Variants in TMEM132C observed in about 807,000 individuals in gnomAD.
TMEM132C encodes the protein transmembrane protein 132C, also known as protein phosphatase 1, regulatory subunit 152.
Under a neutral mutation model 61.4 loss-of-function variants are expected in TMEM132C, and 29 were observed. The ratio of observed to expected loss-of-function variants is 0.47; its 90% CI spans 0.35 to 0.64. The LOEUF (loss-of-function observed/expected upper bound fraction) is 0.64, where lower values mean the gene tolerates loss of function less well. Among genes scored for constraint, TMEM132C ranks in the 30% least tolerant of loss-of-function variants. The pLI is 0.00. For missense variants in TMEM132C, 1,408 were observed against 1,476.9 expected, an observed-to-expected ratio of 0.95 and a Z score of 0.76; for synonymous variants, 656 against 633.1, an observed-to-expected ratio of 1.04 and a Z score of -0.54.
chr12:128,397,489 G>A (rs895139062), intron 1 of TMEM132C, among the ~76,000 whole-genome samples: 2 of 152,132 alleles, frequency 1.3e-5, no homozygotes, highest in Admixed American at 6.5e-5. Context: ...ATACGAGGGG[G>A]TCTATATTCC....
At chr12:128,271,483 C>T (rs1870520901) in intron 1 of TMEM132C, among the ~76,000 whole-genome samples, 1 of 152,036 alleles carries the variant, frequency 6.6e-6, no homozygotes, top group Non-Finnish European at 1.5e-5. Flanking sequence ...TTATCAAATG[C>T]TCTTTTGCAT....
At chr12:128,611,451 T>C (rs187027512) in intron 3 of TMEM132C, among the ~76,000 whole-genome samples, 2 of 152,288 alleles carry the variant, frequency 1.3e-5, no homozygotes, top group East Asian at 3.9e-4. Context: ...GTGCTCTCAT[T>C]GCAACAGGAA....
chr12:128,622,361 ATATATATAT>A lies in TMEM132C; in HGVS notation c.1305+6027_1305+6035del, dbSNP rs1291710453. ...TTTGTCTCAAAAAAAAAAAAAAAAA[ATATATATAT>A]ATATATATATATATATATATATATA... On this transcript the variant is annotated intron_variant, in intron 4 of 8. Transcript: ENST00000435159. Among the ~76,000 whole-genome samples the A allele has an allele frequency of 7.6e-4, 29 of 38,172 alleles. 1 individual carries two copies. Among genetic ancestry groups the A allele is most frequent in the African/African-American group, 2.6e-3 (26 of 9,912 alleles). 25.0% of individuals were successfully genotyped at this position (38,172 alleles called of 152,430 possible). A position where few individuals can be genotyped will look rare whatever the true frequency, so the allele number is the denominator to read the frequency against.
intron 1 of TMEM132C, among the ~76,000 whole-genome samples, chr12:128,272,929 A>G (rs960276516): frequency 6.6e-6 from 1 of 152,274 alleles, no homozygotes; most frequent in African/African-American, 2.4e-5. Flanking sequence ...AAGTGTTTTA[A>G]GATAGTTTCT....
intron 2 of TMEM132C, among the ~76,000 whole-genome samples, chr12:128,422,580 G>A (rs183538268): frequency 2.2e-4 from 34 of 152,292 alleles, no homozygotes; most frequent in Non-Finnish European, 4.6e-4. Flanking sequence ...TCCTGACTGG[G>A]AGATTATACT....
intron 4 of TMEM132C, among the ~76,000 whole-genome samples, chr12:128,622,619 A>G (rs377221977): frequency 4.5e-4 from 68 of 151,744 alleles, no homozygotes; most frequent in Non-Finnish European, 8.4e-4. Context: ...CAGAGATGCT[A>G]TCGGATCTGC....
intron 1 of TMEM132C, among the ~76,000 whole-genome samples, chr12:128,325,870 G>A (rs776340961): frequency 5.9e-5 from 9 of 152,060 alleles, no homozygotes; most frequent in African/African-American, 1.7e-4. Flanking sequence ...ATCGCAGTGC[G>A]GTTGTTGGAC....
chr12:128,577,220 T>G (rs1329038556), intron 3 of TMEM132C, among the ~76,000 whole-genome samples: 1 of 152,210 alleles, frequency 6.6e-6, no homozygotes, highest in Non-Finnish European at 1.5e-5. Context: ...TAGCATCATG[T>G]TTTCATGGTT....
intron 1 of TMEM132C, among the ~76,000 whole-genome samples, chr12:128,311,731 C>T (rs559129607): frequency 2.6e-5 from 4 of 152,352 alleles, no homozygotes; most frequent in South Asian, 2.1e-4. Context: ...CACTTCACGT[C>T]GGTCCTGGCT....
rs150055066 is a variant in TMEM132C at position 128,447,126 on chromosome 12, G to A, written c.974+31506G>A. 4.1e-3 allele frequency among the ~76,000 whole-genome samples: 630 copies of A among 152,298 alleles called. 3 individuals carry two copies. Among genetic ancestry groups the A allele is most frequent in the Non-Finnish European group, 5.9e-3 (403 of 68,022 alleles). Reference sequence around the variant, plus strand: ...CTCAGGGCAGTGCTGGAAAGCTGGGGCTCAAAAATGGCCACTTGCTTGTAG... The same window carrying A: ...CTCAGGGCAGTGCTGGAAAGCTGGGACTCAAAAATGGCCACTTGCTTGTAG... On this transcript the variant is annotated intron_variant, in intron 2 of 8. Coordinates refer to ENST00000435159, the MANE Select transcript of TMEM132C (RefSeq NM_001136103.3).
In TMEM132C at chr12:128,414,791, C is replaced by G; in HGVS notation, c.145C>G (p.Leu49Val). ...IQRFSSLPPY[L>V]PVSYHILRAE... ...GAGATTCTCCTCACTGCCACCTTAC[C>G]TACCTGTGAGCTACCACATCCTCAG... is the stretch of plus-strand genomic sequence containing the variant. The change falls in exon 2 of 9, where the codon CTA (leucine) becomes GTA (valine). Residue 49 changes from leucine (L) to valine (V), a missense_variant. Coordinates refer to ENST00000435159, the MANE Select transcript of TMEM132C (RefSeq NM_001136103.3). 6.5e-7 allele frequency: 1 copy of G among 1,541,002 alleles called. No individual in the cohort carries two copies. The highest frequency in any genetic ancestry group is 8.7e-7 in the Non-Finnish European group (1 of 1,146,876).
At chr12:128,360,663 G>T (rs952832321) in intron 1 of TMEM132C, among the ~76,000 whole-genome samples, 5 of 152,112 alleles carry the variant, frequency 3.3e-5, no homozygotes, top group Admixed American at 1.3e-4. Flanking sequence ...TGACCGTGGT[G>T]AATGGTGAAG....
At chr12:128,634,477 G>A (rs536927021) in intron 4 of TMEM132C, among the ~76,000 whole-genome samples, 4 of 152,348 alleles carry the variant, frequency 2.6e-5, no homozygotes, top group African/African-American at 4.8e-5. Context: ...AAATATCTGC[G>A]TGCTGCTTCT....
At chr12:128,649,357 C>T (rs985869365) in intron 4 of TMEM132C, among the ~76,000 whole-genome samples, 4 of 152,190 alleles carry the variant, frequency 2.6e-5, no homozygotes, top group Admixed American at 1.3e-4. Context: ...CACACTGGTT[C>T]TTCTCTGCCT....
intron 4 of TMEM132C, among the ~76,000 whole-genome samples, chr12:128,629,429 C>T (rs1050451622): frequency 2.0e-5 from 3 of 152,064 alleles, no homozygotes; most frequent in Non-Finnish European, 2.9e-5. Flanking sequence ...CATGACTGTA[C>T]CATTGTACTC....
intron 2 of TMEM132C, among the ~76,000 whole-genome samples, chr12:128,539,567 G>A (rs1363441496): frequency 6.6e-6 from 1 of 152,174 alleles, no homozygotes; most frequent in African/African-American, 2.4e-5. Flanking sequence ...GCAGTGAGCC[G>A]AGATGGCGCC....
In TMEM132C at chr12:128,326,367, C is replaced by G. The variant is rs1007992936; in HGVS notation, c.85+58880C>G. The stretch of plus-strand genomic sequence containing the variant: ...GTGTAGCAGGGTTTCACTTTTCGAG[C>G]TGCCAGATCTGCTGGAGAAAATTAT... On this transcript the variant is annotated intron_variant, in intron 1 of 8. Transcript: ENST00000435159. The surrounding 1 kb of genome is among the most constrained non-coding windows in gnomAD (Gnocchi z 5.6). Among the ~76,000 whole-genome samples the G allele has an allele frequency of 3.3e-5, 5 of 152,214 alleles. No homozygotes were observed. Among genetic ancestry groups the G allele is most frequent in the Non-Finnish European group, 7.3e-5 (5 of 68,040 alleles).
Position 128,622,659 on chromosome 12 carries a change from A to T in TMEM132C, c.1305+6324A>T, listed in dbSNP as rs149065759. Among the ~76,000 whole-genome samples, 601 of 151,766 alleles carry T rather than the reference A, an allele frequency of 4.0e-3. 4 individuals are homozygous for T. The highest frequency in any genetic ancestry group is 0.014 in the African/African-American group (580 of 41,378). ...CAATCTGCAGGTGATGGATGGCTTCACTCTGCTCTGGGGTCCGTGGGGAAG... is the reference window on the plus strand; with the variant it reads ...CAATCTGCAGGTGATGGATGGCTTCTCTCTGCTCTGGGGTCCGTGGGGAAG... On this transcript the variant is annotated intron_variant, in intron 4 of 8. Transcript: ENST00000435159.
intron 1 of TMEM132C, among the ~76,000 whole-genome samples, chr12:128,340,148 A>G (rs1300842135): frequency 6.6e-6 from 1 of 152,176 alleles, no homozygotes; most frequent in African/African-American, 2.4e-5. Flanking sequence ...GCTCTGTGGA[A>G]AGTATGGGGA....
Sources: gnomAD v4.1 joint callset for allele counts (sites outside exome capture counted in the v4.1 genomes callset) on GRCh38, gnomAD v4.1.1 for gene constraint, Gnocchi (gnomAD v3.1) non-coding constraint, MANE v1.5 for transcripts, NCBI Gene and HGNC (gene_info 2026-07-23, HGNC 2026-07-21) for gene names.